Variants in GSG1L observed in about 807,000 individuals in gnomAD.
GSG1L encodes germ cell-specific gene 1-like protein.
In GSG1L, 24 loss-of-function variants were observed where a neutral mutation model predicts 42.1. That is an observed-to-expected ratio of 0.57 (90% CI 0.41 to 0.80). The LOEUF is 0.80. Ranked by LOEUF, GSG1L falls within the 30% of genes least tolerant of loss-of-function variation. The probability of loss-of-function intolerance (pLI) is 0.00; values close to 1 mark genes in which losing one functional copy is unlikely to be tolerated. For missense variants in GSG1L, 445 were observed against 472.2 expected, an observed-to-expected ratio of 0.94 and a Z score of 0.53; for synonymous variants, 215 against 203.5, an observed-to-expected ratio of 1.06 and a Z score of -0.48.
At chr16:27,859,502 G>A (rs570407481) in intron 3 of GSG1L, among the ~76,000 whole-genome samples, 48 of 152,352 alleles carry the variant, frequency 3.2e-4, no homozygotes, top group Admixed American at 6.5e-4. Context: ...TATAGGGGCA[G>A]AGAGGGCAGG....
chr16:27,974,163 C>G (rs1021800650), intron 1 of GSG1L, among the ~76,000 whole-genome samples: 2 of 152,092 alleles, frequency 1.3e-5, no homozygotes, highest in African/African-American at 4.8e-5. Context: ...AGGGAGGGGA[C>G]AGCAGAGGGA....
intron 3 of GSG1L, among the ~76,000 whole-genome samples, chr16:27,848,039 T>C (rs1457644160): frequency 1.3e-5 from 2 of 152,228 alleles, no homozygotes; most frequent in African/African-American, 4.8e-5. Context: ...TTTCCTCACC[T>C]GTCATATGGG....
At chr16:27,825,914 C>G (rs1189165798) in intron 5 of GSG1L, among the ~76,000 whole-genome samples, 1 of 152,188 alleles carries the variant, frequency 6.6e-6, no homozygotes. Flanking sequence ...GAGGCCTCCC[C>G]AGCCCTTCTG....
At chr16:27,864,681 G>C (rs2083694185) in intron 3 of GSG1L, among the ~76,000 whole-genome samples, 1 of 152,218 alleles carries the variant, frequency 6.6e-6, no homozygotes, top group Admixed American at 6.5e-5. Flanking sequence ...GAGACAACCA[G>C]AGCCCAGACA....
chr16:27,932,170 G>A (rs748468536), intron 2 of GSG1L, among the ~76,000 whole-genome samples: 4 of 151,990 alleles, frequency 2.6e-5, no homozygotes, highest in African/African-American at 9.7e-5. Flanking sequence ...CTCATACCTC[G>A]GCCTCCCAAG....
intron 3 of GSG1L, among the ~76,000 whole-genome samples, chr16:27,866,296 G>A (rs1596567466): frequency 1.3e-5 from 2 of 152,134 alleles, no homozygotes; most frequent in African/African-American, 4.8e-5. Flanking sequence ...AAGTCTCAGT[G>A]CTGCCACAAT....
intron 1 of GSG1L, among the ~76,000 whole-genome samples, chr16:27,979,139 A>G (rs375287526): frequency 5.3e-5 from 8 of 152,184 alleles, no homozygotes; most frequent in Admixed American, 2.0e-4. Context: ...AGCGCCTTCC[A>G]TCCAGGCTTG....
At chr16:27,851,886 C>T (rs954836519) in intron 3 of GSG1L, among the ~76,000 whole-genome samples, 2 of 152,122 alleles carry the variant, frequency 1.3e-5, no homozygotes, top group African/African-American at 2.4e-5. Flanking sequence ...GCGCCTCCCT[C>T]GAGGTGGGGG....
Position 27,896,283 on chromosome 16 carries a change from C to T in GSG1L, c.398-11645G>A, listed in dbSNP as rs565546643. 3.2e-4 allele frequency among the ~76,000 whole-genome samples: 48 copies of T among 152,300 alleles called. 1 individual carries two copies. The highest frequency in any genetic ancestry group is 9.6e-4 in the African/African-American group (40 of 41,570). ...AAGGGCATTGAATGCTGCACTAAGA[C>T]ATTTGAATGTGACTAAGCCCCTGGG... On this transcript the variant is annotated intron_variant, in intron 2 of 6. Coordinates refer to ENST00000447459, the MANE Select transcript of GSG1L (RefSeq NM_001109763.2).
At chr16:27,819,989 G>T (rs1310309967) in intron 5 of GSG1L, among the ~76,000 whole-genome samples, 1 of 152,172 alleles carries the variant, frequency 6.6e-6, no homozygotes, top group Non-Finnish European at 1.5e-5. Context: ...TAAAGAGAAG[G>T]CCCTGGGCTT....
chr16:27,792,188 T>A (rs1235577037), intron 6 of GSG1L, among the ~76,000 whole-genome samples: 1 of 152,114 alleles, frequency 6.6e-6, no homozygotes, highest in Non-Finnish European at 1.5e-5. Flanking sequence ...TTGCCTTATA[T>A]GTGTTCAGGA....
At chr16:27,826,924 A>G (rs925686013) in intron 5 of GSG1L, among the ~76,000 whole-genome samples, 1 of 152,120 alleles carries the variant, frequency 6.6e-6, no homozygotes, top group African/African-American at 2.4e-5. Flanking sequence ...GCCTGAGTTA[A>G]ATCCTGGGGC....
chr16:27,947,327 T>A (rs1027432397), intron 2 of GSG1L, among the ~76,000 whole-genome samples: 1 of 140,878 alleles, frequency 7.1e-6, no homozygotes, highest in Admixed American at 7.7e-5. Flanking sequence ...AGCTTCCTGA[T>A]CTGAAAAAAG....
chr16:27,933,270 G>A (rs1017841129), intron 2 of GSG1L, among the ~76,000 whole-genome samples: 3 of 152,030 alleles, frequency 2.0e-5, no homozygotes, highest in African/African-American at 2.4e-5. Context: ...CTCTTCTCCC[G>A]AGTTTCTGTC....
chr16:28,054,646 A>AT (rs751258881), intron 1 of GSG1L, among the ~76,000 whole-genome samples: 21 of 151,598 alleles, frequency 1.4e-4, no homozygotes, highest in Non-Finnish European at 2.8e-4. Context: ...AATAATAATA[A>AT]AATAAAATAA....
chr16:27,961,308 CT>C (rs2085068750), intron 2 of GSG1L, among the ~76,000 whole-genome samples: 1 of 152,220 alleles, frequency 6.6e-6, no homozygotes, highest in Non-Finnish European at 1.5e-5. Flanking sequence ...TACACAGGCC[CT>C]GCTTTCTGGA....
chr16:27,813,078 C>G (rs1043401374), intron 5 of GSG1L, among the ~76,000 whole-genome samples: 1 of 152,148 alleles, frequency 6.6e-6, no homozygotes, highest in Non-Finnish European at 1.5e-5. Flanking sequence ...CCGCACCCGG[C>G]CAGCTTTTAA....
chr16:27,928,034 C>T (rs11862769), intron 2 of GSG1L, among the ~76,000 whole-genome samples: 2,215 of 152,294 alleles, frequency 0.015, 50 homozygotes, highest in African/African-American at 0.044. Context: ...TTTGTCTCAT[C>T]CACTAGACGA....
At chr16:27,851,179 G>A (rs753405433) in intron 3 of GSG1L, among the ~76,000 whole-genome samples, 1 of 152,114 alleles carries the variant, frequency 6.6e-6, no homozygotes, top group Non-Finnish European at 1.5e-5. Context: ...GCGTCTGAGC[G>A]AGACCCAAGT....
Sources: allele counts gnomAD v4.1 joint callset (sites outside exome capture counted in the v4.1 genomes callset), GRCh38; gene constraint gnomAD v4.1.1; transcripts MANE v1.5; gene names NCBI Gene and HGNC (gene_info 2026-07-23, HGNC 2026-07-21).